The following CTNND2 variants were observed in gnomAD, a reference collection of about 807,000 sequenced individuals.
CTNND2 encodes catenin delta-2.
In CTNND2, 22 loss-of-function variants were observed where a neutral mutation model predicts 144.4. The observed-to-expected ratio is 0.15, with a 90% CI of 0.11 to 0.22. The LOEUF (loss-of-function observed/expected upper bound fraction) is 0.22. CTNND2 is among the 10% of genes least tolerant of loss of function. The pLI is 1.00. For synonymous variants in CTNND2, 751 were observed against 695.6 expected, an observed-to-expected ratio of 1.08 and a Z score of -1.25; for missense variants, 1,353 against 1,618.8, an observed-to-expected ratio of 0.84 and a Z score of 2.82.
intron 12 of CTNND2, among the ~76,000 whole-genome samples, chr5:11,154,606 C>A (rs780062163): frequency 2.6e-5 from 4 of 152,200 alleles, no homozygotes; most frequent in Non-Finnish European, 5.9e-5. Context: ...GGCTTCCTAG[C>A]TTAGCAGCCC....
At chr5:11,807,417 T>G (rs1175015363) in intron 1 of CTNND2, among the ~76,000 whole-genome samples, 3 of 152,170 alleles carry the variant, frequency 2.0e-5, no homozygotes, top group Admixed American at 2.0e-4. Flanking sequence ...TCTAAGTCCT[T>G]GTGTTGATTA....
intron 7 of CTNND2, among the ~76,000 whole-genome samples, chr5:11,371,617 T>C (rs1757486213): frequency 6.6e-6 from 1 of 152,220 alleles, no homozygotes; most frequent in Admixed American, 6.5e-5. Flanking sequence ...CCTAATCCTA[T>C]GTTAATTCAA....
Position 11,032,283 on chromosome 5 carries a change from G to T in CTNND2, c.2789-9304C>A, listed in dbSNP as rs1353582799. ...GTAAGTTAGTGTGAAAAGGATTAAA[G>T]GGTTTTTTTCCTTTTGTATATAAAA... On this transcript the variant is annotated intron_variant, in intron 16 of 21. Coordinates refer to ENST00000304623, the MANE Select transcript of CTNND2 (RefSeq NM_001332.4). Among the ~76,000 whole-genome samples, 5 of 152,252 alleles carry T rather than the reference G, an allele frequency of 3.3e-5. No homozygotes were observed. The East Asian group carries it at 9.7e-4, about 29-fold the overall frequency.
At chr5:11,248,911 C>A (rs1044855621) in intron 9 of CTNND2, among the ~76,000 whole-genome samples, 3 of 152,204 alleles carry the variant, frequency 2.0e-5, no homozygotes, top group African/African-American at 7.2e-5. Flanking sequence ...TATCTTAGTT[C>A]TTCGAAGAAT....
intron 7 of CTNND2, among the ~76,000 whole-genome samples, chr5:11,365,142 G>C (rs1277843261): frequency 6.6e-6 from 1 of 152,216 alleles, no homozygotes; most frequent in Admixed American, 6.5e-5. Flanking sequence ...CATGGAACAA[G>C]ACCAGTGAAA....
intron 12 of CTNND2, among the ~76,000 whole-genome samples, chr5:11,151,063 G>C (rs1757718528): frequency 6.6e-6 from 1 of 152,222 alleles, no homozygotes; most frequent in Non-Finnish European, 1.5e-5. Flanking sequence ...GACTCTGCTT[G>C]TTCTGTGAGC....
intron 8 of CTNND2, among the ~76,000 whole-genome samples, chr5:11,352,771 C>T (rs1274121984): frequency 6.6e-6 from 1 of 152,170 alleles, no homozygotes; most frequent in Non-Finnish European, 1.5e-5. Flanking sequence ...ATGATTAACA[C>T]AAAGGATCCT....
At chr5:11,481,599 G>T (rs1433866403) in intron 3 of CTNND2, among the ~76,000 whole-genome samples, 1 of 151,972 alleles carries the variant, frequency 6.6e-6, no homozygotes, top group Non-Finnish European at 1.5e-5. Context: ...TGAGACCCTG[G>T]AGAGAGGGAG....
intron 3 of CTNND2, among the ~76,000 whole-genome samples, chr5:11,558,589 C>T (rs1776432089): frequency 1.3e-5 from 2 of 152,074 alleles, no homozygotes; most frequent in Admixed American, 6.5e-5. Context: ...AGGCTAGTCT[C>T]GCACTCCTGG....
chr5:11,376,752 T>G (rs1581053295), intron 7 of CTNND2, among the ~76,000 whole-genome samples: 2 of 152,332 alleles, frequency 1.3e-5, no homozygotes, highest in African/African-American at 4.8e-5. Flanking sequence ...GTCGCCATTT[T>G]GGTAGGAGAG....
intron 2 of CTNND2, among the ~76,000 whole-genome samples, chr5:11,565,701 C>T (rs919762065): frequency 1.3e-5 from 2 of 152,120 alleles, no homozygotes; most frequent in African/African-American, 4.8e-5. Flanking sequence ...ATGAAAAATG[C>T]TTCTACAAAA....
intron 3 of CTNND2, among the ~76,000 whole-genome samples, chr5:11,513,743 C>G (rs929776008): frequency 6.6e-6 from 1 of 152,030 alleles, no homozygotes; most frequent in African/African-American, 2.4e-5. Context: ...TGCCTAACTA[C>G]AAGTGAACCA....
intron 2 of CTNND2, among the ~76,000 whole-genome samples, chr5:11,635,091 T>A (rs748766698): frequency 2.5e-4 from 37 of 150,966 alleles, no homozygotes; most frequent in Non-Finnish European, 3.8e-4. Context: ...AAGCAAAGAT[T>A]TTTTTTTTCC....
intron 2 of CTNND2, among the ~76,000 whole-genome samples, chr5:11,644,052 TA>T: frequency 6.6e-6 from 1 of 152,332 alleles, no homozygotes; most frequent in African/African-American, 2.4e-5. Context: ...TCTTATTTCT[TA>T]AATATTTAGT....
chr5:11,022,705 G>A, intron 17 of CTNND2, 64 bp downstream of exon 17: 1 of 1,248,458 alleles, frequency 8.0e-7, no homozygotes, highest in Non-Finnish European at 1.2e-6. Context: ...GTCATCAGGA[G>A]TTGAAAGGCA....
intron 9 of CTNND2, among the ~76,000 whole-genome samples, chr5:11,328,531 T>C (rs1752764750): frequency 1.3e-5 from 2 of 152,144 alleles, no homozygotes; most frequent in African/African-American, 4.8e-5. Flanking sequence ...TCAAAATTCC[T>C]GGGCTCAAGC....
intron 20 of CTNND2, among the ~76,000 whole-genome samples, chr5:10,983,581 A>G (rs889776287): frequency 6.6e-6 from 1 of 152,124 alleles, no homozygotes; most frequent in Non-Finnish European, 1.5e-5. Context: ...CATTTTAAAG[A>G]CCATTCTGTT....
chr5:11,233,729 T>C (rs950268595), intron 10 of CTNND2, among the ~76,000 whole-genome samples: 8 of 151,874 alleles, frequency 5.3e-5, no homozygotes, highest in African/African-American at 1.9e-4. Context: ...TGTGTGTGTG[T>C]GTGTGTGTGT....
At chr5:11,166,624 G>C (rs1335576580) in intron 11 of CTNND2, among the ~76,000 whole-genome samples, 1 of 151,968 alleles carries the variant, frequency 6.6e-6, no homozygotes, top group Admixed American at 6.6e-5. Flanking sequence ...GGTATAAAGG[G>C]GCTGTCACCA....
Sources: gnomAD v4.1 joint callset for allele counts (sites outside exome capture counted in the v4.1 genomes callset) on GRCh38, gnomAD v4.1.1 for gene constraint, MANE v1.5 for transcripts, NCBI Gene and HGNC (gene_info 2026-07-23, HGNC 2026-07-21) for gene names.